PTPRD: variants seen among roughly 807,000 people sequenced by gnomAD.
PTPRD encodes receptor-type tyrosine-protein phosphatase delta.
A neutral mutation model predicts 214.5 loss-of-function variants in PTPRD; 34 were observed. The observed-to-expected ratio is 0.16, with a 90% CI of 0.12 to 0.21. The LOEUF (loss-of-function observed/expected upper bound fraction) is 0.21, where lower values mean the gene tolerates loss of function less well. Among genes scored for constraint, PTPRD ranks in the 10% least tolerant of loss-of-function variants. The pLI is 1.00. For synonymous variants in PTPRD, 1,128 were observed against 845.7 expected, an observed-to-expected ratio of 1.33 and a Z score of -5.79; for missense variants, 2,545 against 2,398.7, an observed-to-expected ratio of 1.06 and a Z score of -1.27.
intron 39 of PTPRD, among the ~76,000 whole-genome samples, chr9:8,356,159 T>C (rs1454481051): frequency 6.6e-6 from 1 of 152,178 alleles, no homozygotes; most frequent in East Asian, 1.9e-4. Context: ...CCTGAAAATA[T>C]ATGGAATTAT....
intron 5 of PTPRD, among the ~76,000 whole-genome samples, chr9:9,811,503 C>T (rs931451217): frequency 2.0e-5 from 3 of 152,112 alleles, no homozygotes; most frequent in East Asian, 1.9e-4. Flanking sequence ...GTCAGGAGAT[C>T]GAGACCATCC....
intron 2 of PTPRD, among the ~76,000 whole-genome samples, chr9:10,399,587 G>A (rs145522806): frequency 2.4e-4 from 36 of 151,944 alleles, no homozygotes; most frequent in Middle Eastern, 3.4e-3. Context: ...TCTAGTGATG[G>A]TATAATTCAT....
intron 3 of PTPRD, among the ~76,000 whole-genome samples, chr9:10,229,225 G>C (rs898011847): frequency 6.6e-6 from 1 of 152,046 alleles, no homozygotes; most frequent in East Asian, 1.9e-4. Flanking sequence ...AGGATGTGGA[G>C]AAATAGGAAC....
intron 5 of PTPRD, among the ~76,000 whole-genome samples, chr9:9,827,225 C>T (rs2053215499): frequency 6.6e-6 from 1 of 152,012 alleles, no homozygotes; most frequent in Non-Finnish European, 1.5e-5. Flanking sequence ...AAGAACAAAG[C>T]TGGAGGCATC....
At chr9:8,572,154 T>C (rs974092040) in intron 14 of PTPRD, among the ~76,000 whole-genome samples, 1 of 152,116 alleles carries the variant, frequency 6.6e-6, no homozygotes, top group Non-Finnish European at 1.5e-5. Flanking sequence ...GTTCTGAGTG[T>C]CAGTTAAACT....
rs2099681283 is a variant in PTPRD at position 9,049,850 on chromosome 9, C to T, written c.-142-31115G>A. On this transcript the variant is annotated intron_variant, in intron 10 of 45. Transcript: ENST00000381196. ...AGAAATCATGACTACCAATCATTAA[C>T]ATTACCTCCATTTCAATAAAATGAA... Among the ~76,000 whole-genome samples the T allele has an allele frequency of 1.3e-5, 2 of 152,188 alleles. 1 individual carries two copies. Among genetic ancestry groups the T allele is most frequent in the South Asian group, 4.1e-4 (2 of 4,830 alleles).
chr9:10,031,647 T>TACACACACAC (rs1555494944), intron 4 of PTPRD, among the ~76,000 whole-genome samples: 31 of 89,562 alleles, frequency 3.5e-4, no homozygotes, highest in South Asian at 1.0e-3. Flanking sequence ...TATATATATA[T>TACACACACAC]ACACACACAC....
chr9:9,286,873 AATATAT>A (rs34631864), intron 9 of PTPRD, among the ~76,000 whole-genome samples: 68 of 77,006 alleles, frequency 8.8e-4, no homozygotes, highest in Non-Finnish European at 1.1e-3. Context: ...GAAACTACTG[AATATAT>A]ATATATATAT....
At chr9:9,047,726 C>T (rs324537) in intron 10 of PTPRD, among the ~76,000 whole-genome samples, 139,286 of 152,148 alleles carry the variant, frequency 0.92, 63,872 homozygotes, top group East Asian at 1. Flanking sequence ...CCCATATCTC[C>T]AATCATATAT....
rs549048697 is a variant in PTPRD at position 10,565,232 on chromosome 9, A to T, written c.-600+47166T>A. 4.6e-5 allele frequency among the ~76,000 whole-genome samples: 7 copies of T among 152,240 alleles called. No individual in the cohort carries two copies. The South Asian group carries it at 8.3e-4, about 18-fold the overall frequency. On this transcript the variant is annotated intron_variant, in intron 2 of 45. Coordinates refer to ENST00000381196, the MANE Select transcript of PTPRD (RefSeq NM_002839.4). ...ACCCTATCATCTGCCAAATCATTCA[A>T]ACAGAAACTTAAAATTATTCATAAA...
intron 3 of PTPRD, among the ~76,000 whole-genome samples, chr9:10,198,171 G>T (rs1564469135): frequency 1.3e-5 from 2 of 152,160 alleles, no homozygotes; most frequent in East Asian, 3.9e-4. Context: ...CTTAAAAAGA[G>T]AAATAGTTGG....
chr9:9,533,352 G>A (rs1393270343), intron 8 of PTPRD, among the ~76,000 whole-genome samples: 1 of 151,970 alleles, frequency 6.6e-6, no homozygotes, highest in Non-Finnish European at 1.5e-5. Flanking sequence ...CAATATGCCG[G>A]CCAAAATGCA....
chr9:10,216,776 CA>C (rs1162933693), intron 3 of PTPRD, among the ~76,000 whole-genome samples: 1 of 151,978 alleles, frequency 6.6e-6, no homozygotes, highest in Non-Finnish European at 1.5e-5. Context: ...TCCCGAAAAG[CA>C]GTGATTTGAC....
chr9:9,038,474 A>C (rs1318976351), intron 10 of PTPRD, among the ~76,000 whole-genome samples: 3 of 152,160 alleles, frequency 2.0e-5, no homozygotes, highest in Non-Finnish European at 2.9e-5. Context: ...CATGTACACA[A>C]ACTGAGCATG....
chr9:8,724,297 A>G lies in PTPRD; in HGVS notation c.64+9483T>C, dbSNP rs370380174. 1.4e-4 allele frequency among the ~76,000 whole-genome samples: 21 copies of G among 152,326 alleles called. No homozygotes were observed. In the East Asian group the frequency reaches 3.1e-3, roughly 22 times the overall value. On this transcript the variant is annotated intron_variant, in intron 12 of 45. Transcript: ENST00000381196. ...GGTTTTCTCCTTCACTCTAAATTTT[A>G]ACAATCTGTTGGTGGTTCAGTTTTA...
chr9:9,071,187 T>A (rs1183958263), intron 10 of PTPRD, among the ~76,000 whole-genome samples: 2 of 152,124 alleles, frequency 1.3e-5, no homozygotes, highest in Non-Finnish European at 2.9e-5. Flanking sequence ...AAACTTGGAG[T>A]GGCTTGCATG....
intron 12 of PTPRD, among the ~76,000 whole-genome samples, chr9:8,729,089 G>A (rs1040060763): frequency 6.6e-6 from 1 of 152,120 alleles, no homozygotes; most frequent in Non-Finnish European, 1.5e-5. Context: ...TTCTGAAGAG[G>A]CACTGTATTA....
At chr9:9,069,666 T>C (rs972026919) in intron 10 of PTPRD, among the ~76,000 whole-genome samples, 2 of 152,228 alleles carry the variant, frequency 1.3e-5, no homozygotes, top group Non-Finnish European at 2.9e-5. Context: ...ACCAGTGTCG[T>C]GCCTGACTCA....
At chr9:10,196,830 G>C (rs1322222890) in intron 3 of PTPRD, among the ~76,000 whole-genome samples, 1 of 128,456 alleles carries the variant, frequency 7.8e-6, no homozygotes, top group African/African-American at 3.2e-5. Context: ...CTCTTAGGAA[G>C]TGATTAGGCC....
Sources: allele counts gnomAD v4.1 joint callset (sites outside exome capture counted in the v4.1 genomes callset), GRCh38; gene constraint gnomAD v4.1.1; transcripts MANE v1.5; gene names NCBI Gene and HGNC (gene_info 2026-07-23, HGNC 2026-07-21).